Variants in ROBO2 observed in about 807,000 individuals in gnomAD.
ROBO2 encodes roundabout guidance receptor 2.
ROBO2 carries 53 observed loss-of-function variants against 160.8 expected under a neutral mutation model. The observed-to-expected ratio is 0.33, with a 90% CI of 0.26 to 0.41. The LOEUF (loss-of-function observed/expected upper bound fraction) is 0.41. Among genes scored for constraint, ROBO2 ranks in the 10% least tolerant of loss-of-function variants. The pLI is 1.00. For missense variants in ROBO2, 1,577 were observed against 1,722.4 expected (o/e 0.92, Z 1.49); for synonymous variants, 664 against 611.7 (o/e 1.09, Z -1.26).
At chr3:76,620,943 C>T (rs1221864186) in intron 2 of ROBO2, among the ~76,000 whole-genome samples, 2 of 152,162 alleles carry the variant, frequency 1.3e-5, no homozygotes, top group East Asian at 1.9e-4. Flanking sequence ...AAAGAAATAT[C>T]CAAATCATTA....
intron 21 of ROBO2, among the ~76,000 whole-genome samples, chr3:77,611,095 G>C (rs746585781): frequency 6.6e-6 from 1 of 151,916 alleles, no homozygotes; most frequent in South Asian, 2.1e-4. Context: ...TCAAGAGATC[G>C]AGACCATCCT....
At chr3:77,482,336 C>T (rs569333275) in intron 4 of ROBO2, among the ~76,000 whole-genome samples, 1 of 152,140 alleles carries the variant, frequency 6.6e-6, no homozygotes, top group African/African-American at 2.4e-5. Context: ...CCCAGAGAAA[C>T]GTATTTTGCT....
At chr3:77,613,041 T>C (rs2153699761) in intron 21 of ROBO2, among the ~76,000 whole-genome samples, 1 of 152,324 alleles carries the variant, frequency 6.6e-6, no homozygotes, top group Non-Finnish European at 1.5e-5. Context: ...AGTTAATTAA[T>C]GCATTAAGCA....
At chr3:77,306,534 A>G (rs2063108019) in intron 2 of ROBO2, among the ~76,000 whole-genome samples, 1 of 152,166 alleles carries the variant, frequency 6.6e-6, no homozygotes, top group Non-Finnish European at 1.5e-5. Context: ...ATAAACACAC[A>G]TTTTTAAAAA....
At chr3:76,608,107 T>C (rs2087799670) in intron 2 of ROBO2, among the ~76,000 whole-genome samples, 1 of 152,228 alleles carries the variant, frequency 6.6e-6, no homozygotes, top group African/African-American at 2.4e-5. Flanking sequence ...AATTTAAACT[T>C]TGCAATATGT....
At chr3:76,896,891 A>G (rs1051663248) in intron 2 of ROBO2, among the ~76,000 whole-genome samples, 3 of 152,202 alleles carry the variant, frequency 2.0e-5, no homozygotes, top group African/African-American at 7.2e-5. Flanking sequence ...TCCAAATTTC[A>G]AAATATACAG....
At chr3:76,050,611 T>C (rs1385622552) in intron 2 of ROBO2, among the ~76,000 whole-genome samples, 1 of 152,208 alleles carries the variant, frequency 6.6e-6, no homozygotes, top group Non-Finnish European at 1.5e-5. Flanking sequence ...ACCCACAGGC[T>C]GGTTCTCGTG....
chr3:77,180,725 G>A (rs896090743), intron 2 of ROBO2, among the ~76,000 whole-genome samples: 4 of 151,648 alleles, frequency 2.6e-5, no homozygotes, highest in African/African-American at 9.7e-5. Flanking sequence ...CTGTTTAAAA[G>A]CAAATGTATT....
At chr3:76,181,360 T>C (rs1701493441) in intron 2 of ROBO2, among the ~76,000 whole-genome samples, 2 of 150,480 alleles carry the variant, frequency 1.3e-5, no homozygotes, top group Non-Finnish European at 3.0e-5. Flanking sequence ...TCTAAGAATA[T>C]GTCTACTTGT....
At chr3:77,475,214 A>G (rs1041978371) in intron 2 of ROBO2, among the ~76,000 whole-genome samples, 8 of 152,194 alleles carry the variant, frequency 5.3e-5, no homozygotes, top group Non-Finnish European at 7.3e-5. Flanking sequence ...AGTATCAATT[A>G]TATCATTATC....
At chr3:76,664,908 A>G (rs2091963803) in intron 2 of ROBO2, among the ~76,000 whole-genome samples, 1 of 152,228 alleles carries the variant, frequency 6.6e-6, no homozygotes, top group Admixed American at 6.5e-5. Context: ...GGAGTCAGTC[A>G]AGGAGAACCA....
rs534775804 is a variant in ROBO2, at chr3:77,517,120, T to A, written c.807-5655T>A. ...TGTGCTTTGAAGAAAATAAAACGTA[T>A]TAAAAAGTGACAAAAGAAAGATGAA... On this transcript the variant is annotated intron_variant, in intron 5 of 25. Transcript: ENST00000461745. Among the ~76,000 whole-genome samples, 3 of 151,454 alleles carry A rather than the reference T, an allele frequency of 2.0e-5. No individual in the cohort carries two copies. In the Admixed American group the frequency reaches 2.0e-4, roughly 10 times the overall value.
intron 2 of ROBO2, among the ~76,000 whole-genome samples, chr3:76,617,445 G>A (rs1199368220): frequency 1.3e-5 from 2 of 152,058 alleles, no homozygotes; most frequent in African/African-American, 4.8e-5. Context: ...ATCTGTTTGG[G>A]TTTTATATTT....
At chr3:77,142,023 T>C (rs1402152767) in intron 2 of ROBO2, among the ~76,000 whole-genome samples, 1 of 152,224 alleles carries the variant, frequency 6.6e-6, no homozygotes, top group Non-Finnish European at 1.5e-5. Context: ...TGCTGTCTTA[T>C]ACGTTGAACA....
intron 2 of ROBO2, among the ~76,000 whole-genome samples, chr3:77,152,912 G>A (rs1253715172): frequency 6.6e-6 from 1 of 152,062 alleles, no homozygotes; most frequent in Non-Finnish European, 1.5e-5. Flanking sequence ...TTCTACCCAT[G>A]AGCAATCACT....
intron 2 of ROBO2, among the ~76,000 whole-genome samples, chr3:76,213,879 C>G (rs1703316638): frequency 1.3e-5 from 2 of 151,484 alleles, no homozygotes; most frequent in African/African-American, 4.9e-5. Context: ...TCAAGGTGTT[C>G]TAGAAAAATA....
intron 2 of ROBO2, among the ~76,000 whole-genome samples, chr3:77,162,789 A>G (rs924724016): frequency 6.6e-6 from 1 of 152,156 alleles, no homozygotes; most frequent in African/African-American, 2.4e-5. Flanking sequence ...GACATTCAGA[A>G]TCCTGCAGTT....
At chr3:76,708,607 A>G (rs924696673) in intron 2 of ROBO2, among the ~76,000 whole-genome samples, 1 of 152,218 alleles carries the variant, frequency 6.6e-6, no homozygotes, top group Non-Finnish European at 1.5e-5. Flanking sequence ...GATGTAGCAG[A>G]AAAACAAAAA....
At chr3:77,066,832 T>C (rs2066895673) in intron 1 of ROBO2, among the ~76,000 whole-genome samples, 1 of 152,138 alleles carries the variant, frequency 6.6e-6, no homozygotes, top group Non-Finnish European at 1.5e-5. Flanking sequence ...ATCCTTCTAT[T>C]TTCTCCAAAG....
Sources: gnomAD v4.1 joint callset for allele counts (sites outside exome capture counted in the v4.1 genomes callset) on GRCh38, gnomAD v4.1.1 for gene constraint, MANE v1.5 for transcripts, NCBI Gene and HGNC (gene_info 2026-07-23, HGNC 2026-07-21) for gene names.